The following THRB variants were observed in gnomAD, a reference collection of about 807,000 sequenced individuals.
THRB encodes the protein thyroid hormone receptor beta.
In THRB, 12 loss-of-function variants were observed where a neutral mutation model predicts 47.8. The ratio of observed to expected loss-of-function variants is 0.25; its 90% confidence interval spans 0.16 to 0.41. The LOEUF is 0.41. THRB is among the 10% of genes least tolerant of loss of function. The pLI is 1.00. For synonymous variants in THRB, 218 were observed against 212.2 expected, an observed-to-expected ratio of 1.03 and a Z score of -0.24; for missense variants, 348 against 589.2, an observed-to-expected ratio of 0.59 and a Z score of 4.24.
chr3:24,469,945 C>T lies in THRB; in HGVS notation c.-261+24707G>A, dbSNP rs9819840. On this transcript the variant is annotated intron_variant, in intron 1 of 10. Coordinates refer to ENST00000646209, the MANE Select transcript of THRB (RefSeq NM_001354712.2). ...TTCAAATGAATGAAGTCAATGTCTTCCATAGTGTAGAATTTTAAAGTCAGA... is the reference window on the plus strand; with the variant it reads ...TTCAAATGAATGAAGTCAATGTCTTTCATAGTGTAGAATTTTAAAGTCAGA... 3.8e-3 allele frequency among the ~76,000 whole-genome samples: 576 copies of T among 152,284 alleles called. 3 individuals carry two copies. Among genetic ancestry groups the T allele is most frequent in the African/African-American group, 0.013 (536 of 41,552 alleles).
chr3:24,343,896 GAT>G lies in THRB; in HGVS notation c.-260-6527_-260-6526del, dbSNP rs934884767. ...TATTTGGCAGAATGTATTACATACT[GAT>G]ATATATATATTTATTTATATATTAT... On this transcript the variant is annotated intron_variant, in intron 1 of 10. Transcript: ENST00000646209. Among the ~76,000 whole-genome samples the G allele has an allele frequency of 2.3e-3, 342 of 146,240 alleles. 2 individuals are homozygous for G. Among genetic ancestry groups the G allele is most frequent in the African/African-American group, 8.3e-3 (332 of 40,138 alleles).
intron 1 of THRB, among the ~76,000 whole-genome samples, chr3:24,426,782 C>T (rs2150345304): frequency 6.6e-6 from 1 of 152,044 alleles, no homozygotes; most frequent in Admixed American, 6.6e-5. Flanking sequence ...AAGAATCTCT[C>T]AGCATTTTGG....
At chr3:24,359,527 C>G (rs73825627) in intron 1 of THRB, among the ~76,000 whole-genome samples, 5,790 of 152,174 alleles carry the variant, frequency 0.038, 224 homozygotes, top group African/African-American at 0.096. Flanking sequence ...AGACCTTTAT[C>G]TCTTGATGAG....
At chr3:24,453,066 T>A (rs1194433067) in intron 1 of THRB, among the ~76,000 whole-genome samples, 1 of 152,130 alleles carries the variant, frequency 6.6e-6, no homozygotes, top group African/African-American at 2.4e-5. Flanking sequence ...GTTTCCTCCA[T>A]CTCAGGCACT....
chr3:24,288,411 G>A (rs1349814960), intron 3 of THRB, among the ~76,000 whole-genome samples: 1 of 152,120 alleles, frequency 6.6e-6, no homozygotes, highest in African/African-American at 2.4e-5. Context: ...AGTTGTGCTT[G>A]GACACAAAAT....
Position 24,123,049 on chromosome 3 carries a change from G to C in THRB, c.1221C>G (p.Ile407Met). 1 of 1,614,164 alleles carries C rather than the reference G, an allele frequency of 6.2e-7. No individual in the cohort carries two copies. The highest frequency in any genetic ancestry group is 8.5e-7 in the Non-Finnish European group (1 of 1,180,028). The change falls in exon 11 of 11, where the codon ATC becomes ATG. Residue 407 changes from isoleucine (I) to methionine (M), a missense_variant. Around this residue, in one of 5 missense-constraint regions of THRB, gnomAD observed 36 missense variants for 51.7 expected, o/e 0.70. Coordinates refer to ENST00000646209, the MANE Select transcript of THRB (RefSeq NM_001354712.2). ...DSFLLAFEHYINYRKHHVTHF... is the reference protein window; with the variant it reads ...DSFLLAFEHYMNYRKHHVTHF... ...GTGTCACGTGGTGTTTTCGGTAATT[G>C]ATATAGTGTTCAAAGGCCAGCAGGA...
intron 2 of THRB, among the ~76,000 whole-genome samples, chr3:24,323,288 A>C (rs2058604195): frequency 6.6e-6 from 1 of 151,060 alleles, no homozygotes; most frequent in Non-Finnish European, 1.5e-5. Context: ...TCTGCCCTTT[A>C]AAATGGCAAC....
intron 4 of THRB, among the ~76,000 whole-genome samples, chr3:24,224,600 G>C (rs6784894): frequency 0.014 from 2,101 of 152,196 alleles, 54 homozygotes; most frequent in African/African-American, 0.048. Context: ...TTGAAAAATG[G>C]CATGGGCTTC....
chr3:24,269,387 A>ACGCGCACGCG (rs1384262861), intron 3 of THRB, among the ~76,000 whole-genome samples: 5 of 98,326 alleles, frequency 5.1e-5, no homozygotes, highest in African/African-American at 1.6e-4. Context: ...CATAGCTCAC[A>ACGCGCACGCG]CGCGCGCGCG....
rs1336325613 is a variant in THRB, at chr3:24,396,100, G to GAGTGAATTTT, written c.-260-58730_-260-58729insAAAATTCACT. Among the ~76,000 whole-genome samples the GAGTGAATTTT allele has an allele frequency of 1.2e-4, 18 of 152,092 alleles. No individual in the cohort carries two copies. The East Asian group carries it at 3.1e-3, about 26-fold the overall frequency. ...GTGAATACACTAAAAACCATTGAAT[G>GAGTGAATTTT]TACACTTTTAATGAGTGAATAGTAT... is the stretch of plus-strand genomic sequence containing the variant. On this transcript the variant is annotated intron_variant, in intron 1 of 10. Coordinates refer to ENST00000646209, the MANE Select transcript of THRB (RefSeq NM_001354712.2).
At chr3:24,419,305 G>T (rs140016294) in intron 1 of THRB, among the ~76,000 whole-genome samples, 16 of 151,914 alleles carry the variant, frequency 1.1e-4, no homozygotes, top group African/African-American at 3.9e-4. Flanking sequence ...ACAGCTAAAG[G>T]CCCATGGACA....
At chr3:24,272,654 A>G (rs1240330049) in intron 3 of THRB, among the ~76,000 whole-genome samples, 2 of 152,198 alleles carry the variant, frequency 1.3e-5, no homozygotes, top group African/African-American at 4.8e-5. Flanking sequence ...ATGTAAGTCA[A>G]GACAAGAGGA....
intron 4 of THRB, among the ~76,000 whole-genome samples, chr3:24,221,119 A>G (rs1470562712): frequency 1.3e-5 from 2 of 152,248 alleles, no homozygotes; most frequent in Admixed American, 1.3e-4. Flanking sequence ...GACTTGAAAG[A>G]AAAGCAAAGA....
intron 3 of THRB, among the ~76,000 whole-genome samples, chr3:24,234,896 A>G (rs1292098101): frequency 6.6e-6 from 1 of 152,202 alleles, no homozygotes; most frequent in Non-Finnish European, 1.5e-5. Context: ...CTGCAAATGT[A>G]GTTTCAGGCC....
intron 10 of THRB, among the ~76,000 whole-genome samples, chr3:24,123,941 G>A (rs2032198866): frequency 6.6e-6 from 1 of 152,158 alleles, no homozygotes; most frequent in Non-Finnish European, 1.5e-5. Context: ...ACAAAGGGGT[G>A]ACACAAGGAG....
At chr3:24,153,882 G>C (rs1365150585) in intron 5 of THRB, among the ~76,000 whole-genome samples, 1 of 152,086 alleles carries the variant, frequency 6.6e-6, no homozygotes, top group Non-Finnish European at 1.5e-5. Flanking sequence ...AGTCTTCTTT[G>C]TTCCAATAAA....
intron 4 of THRB, among the ~76,000 whole-genome samples, chr3:24,193,720 T>C (rs898795789): frequency 2.6e-5 from 4 of 152,158 alleles, no homozygotes; most frequent in African/African-American, 9.6e-5. Context: ...GGAGATTCCT[T>C]AAAGAACTAA....
chr3:24,355,194 GTTT>G (rs2063597702), intron 1 of THRB, among the ~76,000 whole-genome samples: 2 of 152,222 alleles, frequency 1.3e-5, no homozygotes, highest in South Asian at 4.1e-4. Flanking sequence ...TTAATGTGGT[GTTT>G]CCTTCCAAAG....
At position 24,273,345 on chromosome 3, in the gene THRB, C is replaced by G. The variant is rs1014972614; in HGVS notation, c.-43+23881G>C. 7.9e-5 allele frequency among the ~76,000 whole-genome samples: 12 copies of G among 152,220 alleles called. 1 individual carries two copies. The highest frequency in any genetic ancestry group is 7.9e-4 in the Admixed American group (12 of 15,282). ...ATATAGATTTCCCTGCTTCATAGAG[C>G]TTACATTCTAACAGGTGTCCATTTG... On this transcript the variant is annotated intron_variant, in intron 3 of 10. Transcript: ENST00000646209.
Sources: allele counts gnomAD v4.1 joint callset (sites outside exome capture counted in the v4.1 genomes callset), GRCh38; gene constraint gnomAD v4.1.1; regional missense constraint gnomAD v4.1.1; transcripts MANE v1.5; gene names NCBI Gene and HGNC (gene_info 2026-07-23, HGNC 2026-07-21).